The following KCNJ3 variants were observed in gnomAD, a reference collection of about 807,000 sequenced individuals.
KCNJ3 encodes the protein potassium inwardly rectifying channel subfamily J member 3.
A neutral mutation model predicts 39.2 loss-of-function variants in KCNJ3; 4 were observed. The observed-to-expected ratio is 0.10, with a 90% confidence interval of 0.05 to 0.23. The LOEUF is 0.23. Among genes scored for constraint, KCNJ3 ranks in the 10% least tolerant of loss-of-function variants. KCNJ3 has a pLI of 1.00. For missense variants in KCNJ3, 276 were observed against 634.9 expected (o/e 0.43, Z 6.08); for synonymous variants, 230 against 237.4 (o/e 0.97, Z 0.29).
intron 2 of KCNJ3, among the ~76,000 whole-genome samples, chr2:154,851,125 C>T (rs183835316): frequency 6.6e-6 from 1 of 152,018 alleles, no homozygotes; most frequent in African/African-American, 2.4e-5. Context: ...ACCTGTCATA[C>T]CAGCTACTTG....
intron 2 of KCNJ3, among the ~76,000 whole-genome samples, chr2:154,732,328 G>A (rs1475017637): frequency 6.6e-6 from 1 of 151,966 alleles, no homozygotes; most frequent in Non-Finnish European, 1.5e-5. Context: ...GCATTTATGG[G>A]TTCTTTTATT....
intron 2 of KCNJ3, among the ~76,000 whole-genome samples, chr2:154,843,564 T>C (rs1687615504): frequency 6.6e-6 from 1 of 152,228 alleles, no homozygotes; most frequent in Non-Finnish European, 1.5e-5. Context: ...CCCATCACTT[T>C]CAGGTACACC....
chr2:154,773,224 T>C (rs1385451249), intron 2 of KCNJ3, among the ~76,000 whole-genome samples: 1 of 152,100 alleles, frequency 6.6e-6, no homozygotes, highest in Non-Finnish European at 1.5e-5. Flanking sequence ...TGTGTAAGCA[T>C]CTTGTTGCAT....
intron 2 of KCNJ3, among the ~76,000 whole-genome samples, chr2:154,729,323 A>T (rs1342190263): frequency 6.6e-6 from 1 of 152,188 alleles, no homozygotes; most frequent in African/African-American, 2.4e-5. Flanking sequence ...CAGCCAGATC[A>T]TCATAGAAGA....
intron 2 of KCNJ3, among the ~76,000 whole-genome samples, chr2:154,824,339 AAAAAT>A: frequency 6.6e-6 from 1 of 152,280 alleles, no homozygotes; most frequent in African/African-American, 2.4e-5. Flanking sequence ...TCATCTCAAG[AAAAAT>A]AAAATAGAAA....
chr2:154,846,990 G>A (rs1385293241), intron 2 of KCNJ3, among the ~76,000 whole-genome samples: 1 of 152,088 alleles, frequency 6.6e-6, no homozygotes, highest in East Asian at 1.9e-4. Context: ...CCAAGTGCTT[G>A]TAAATAATAG....
chr2:154,802,715 C>CAT (rs1433656816), intron 2 of KCNJ3, among the ~76,000 whole-genome samples: 1 of 152,072 alleles, frequency 6.6e-6, no homozygotes, highest in Non-Finnish European at 1.5e-5. Context: ...CATAGTTTCA[C>CAT]AGATATGTGA....
intron 2 of KCNJ3, among the ~76,000 whole-genome samples, chr2:154,798,188 G>GCACACACACACACACA (rs57495585): frequency 8.7e-6 from 1 of 114,760 alleles, no homozygotes. Context: ...TTCGAACACC[G>GCACACACACACACACA]CACACACACA....
chr2:154,762,451 G>A (rs1018288827), intron 2 of KCNJ3, among the ~76,000 whole-genome samples: 23 of 152,234 alleles, frequency 1.5e-4, no homozygotes, highest in African/African-American at 4.8e-4. Context: ...GAGTGGGCCA[G>A]GATTTAATAA....
intron 1 of KCNJ3, among the ~76,000 whole-genome samples, chr2:154,700,453 A>AT (rs1033672467): frequency 5.2e-4 from 79 of 152,240 alleles, no homozygotes; most frequent in African/African-American, 1.8e-3. Context: ...TTTACAATTC[A>AT]TTTTTTTCCC....
At chr2:154,756,229 T>C (rs1685934430) in intron 2 of KCNJ3, among the ~76,000 whole-genome samples, 1 of 152,150 alleles carries the variant, frequency 6.6e-6, no homozygotes, top group African/African-American at 2.4e-5. Context: ...TCTAGATAAA[T>C]AATAATGATA....
At chr2:154,760,308 T>G (rs1368733555) in intron 2 of KCNJ3, among the ~76,000 whole-genome samples, 1 of 152,170 alleles carries the variant, frequency 6.6e-6, no homozygotes, top group African/African-American at 2.4e-5. Flanking sequence ...TTTACTGACT[T>G]GTAGGAGATA....
intron 2 of KCNJ3, among the ~76,000 whole-genome samples, chr2:154,724,222 A>G (rs1302914138): frequency 6.6e-6 from 1 of 152,134 alleles, no homozygotes; most frequent in Non-Finnish European, 1.5e-5. Context: ...ATAAAATACC[A>G]TGAAGATCTG....
intron 2 of KCNJ3, among the ~76,000 whole-genome samples, chr2:154,829,143 G>T (rs144295803): frequency 1.9e-4 from 29 of 152,214 alleles, no homozygotes; most frequent in African/African-American, 6.7e-4. Flanking sequence ...AACTGATATT[G>T]TAGGTTCAGG....
intron 2 of KCNJ3, among the ~76,000 whole-genome samples, chr2:154,725,078 T>A (rs1685330499): frequency 1.3e-5 from 2 of 151,234 alleles, no homozygotes; most frequent in Admixed American, 1.3e-4. Context: ...TCTTAGACAT[T>A]CAAATATCTC....
chr2:154,712,339 G>A (rs566923901), intron 2 of KCNJ3, among the ~76,000 whole-genome samples: 2 of 151,966 alleles, frequency 1.3e-5, no homozygotes, highest in African/African-American at 4.8e-5. Context: ...CTCATAATAC[G>A]TATTGCCTAG....
chr2:154,714,204 T>A (rs966788387), intron 2 of KCNJ3, among the ~76,000 whole-genome samples: 2 of 152,172 alleles, frequency 1.3e-5, no homozygotes, highest in Non-Finnish European at 2.9e-5. Context: ...TAAATTCCCA[T>A]TGACTCCTTT....
rs192617363 is a variant in KCNJ3 at position 154,826,170 on chromosome 2, G to A, written c.920-28557G>A. On this transcript the variant is annotated intron_variant, in intron 2 of 2. Transcript: ENST00000295101. ...TTACCTATGGCATCCTTTGTCGTTT[G>A]GTTTCAAGATTCATGAATTGTTTAT... Among the ~76,000 whole-genome samples the A allele has an allele frequency of 2.3e-3, 354 of 152,148 alleles. 3 individuals are homozygous for A. The highest frequency in any genetic ancestry group is 7.9e-3 in the African/African-American group (327 of 41,510).
intron 2 of KCNJ3, among the ~76,000 whole-genome samples, chr2:154,751,386 C>G (rs564767663): frequency 6.6e-6 from 1 of 151,648 alleles, no homozygotes; most frequent in African/African-American, 2.4e-5. Flanking sequence ...ATTTTTGAAC[C>G]AGGATATTTA....
Sources: gnomAD v4.1 joint callset for allele counts (sites outside exome capture counted in the v4.1 genomes callset) on GRCh38, gnomAD v4.1.1 for gene constraint, MANE v1.5 for transcripts, NCBI Gene and HGNC (gene_info 2026-07-23, HGNC 2026-07-21) for gene names.